The following CACNA2D1 variants were observed in gnomAD, a reference collection of about 807,000 sequenced individuals.
The protein encoded by CACNA2D1 is calcium voltage-gated channel auxiliary subunit alpha2delta 1.
Under a neutral mutation model 171.5 loss-of-function variants are expected in CACNA2D1, and 53 were observed. That is an observed-to-expected ratio of 0.31 (90% CI 0.25 to 0.39). The LOEUF is 0.39. Among genes scored for constraint, CACNA2D1 ranks in the 10% least tolerant of loss-of-function variants. The pLI is 1.00. For synonymous variants in CACNA2D1, 442 were observed against 443.1 expected, an observed-to-expected ratio of 1.00 and a Z score of 0.03; for missense variants, 903 against 1,299.8, an observed-to-expected ratio of 0.69 and a Z score of 4.69.
At chr7:82,034,764 A>G (rs758700655) in intron 11 of CACNA2D1, among the ~76,000 whole-genome samples, 6 of 152,100 alleles carry the variant, frequency 3.9e-5, no homozygotes, top group Non-Finnish European at 8.8e-5. Flanking sequence ...TACTGAAAGT[A>G]CTATTATTGG....
chr7:82,037,347 C>T (rs1458891267), intron 11 of CACNA2D1, among the ~76,000 whole-genome samples: 2 of 152,028 alleles, frequency 1.3e-5, no homozygotes, highest in East Asian at 1.9e-4. Context: ...GGCATGGTGG[C>T]GGGTGCCTGT....
At position 82,428,108 on chromosome 7, in the gene CACNA2D1, A is replaced by T. The variant is rs1001261282; in HGVS notation, c.95+15257T>A. Among the ~76,000 whole-genome samples, 64 of 149,760 alleles carry T rather than the reference A, an allele frequency of 4.3e-4. 1 individual carries two copies. The highest frequency in any genetic ancestry group is 1.8e-3 in the East Asian group (9 of 5,126). The stretch of plus-strand genomic sequence containing the variant: ...GTCTTTAAAAAAATAAAAAATAAAT[A>T]AAAAAAAAACAAACAAAAAACAGAA... On this transcript the variant is annotated intron_variant, in intron 1 of 38. Coordinates refer to ENST00000356860, the MANE Select transcript of CACNA2D1 (RefSeq NM_000722.4).
At chr7:82,049,327 A>G (rs1804936633) in intron 10 of CACNA2D1, among the ~76,000 whole-genome samples, 1 of 152,104 alleles carries the variant, frequency 6.6e-6, no homozygotes, top group African/African-American at 2.4e-5. Context: ...TCTTTTAACA[A>G]ATTCTCTTAA....
chr7:82,086,705 C>A lies in CACNA2D1; in HGVS notation c.527-1805G>T, dbSNP rs535657384. Among the ~76,000 whole-genome samples, 3 of 152,216 alleles carry A rather than the reference C, an allele frequency of 2.0e-5. No homozygotes were observed. The East Asian group carries it at 5.8e-4, about 29-fold the overall frequency. ...TATGATCCAGATAGACTTCATTAAT[C>A]CCCAATCTATTCTATCTCTTTAATT... On this transcript the variant is annotated intron_variant, in intron 6 of 38. Transcript: ENST00000356860.
At chr7:82,170,723 C>A in intron 3 of CACNA2D1, 114 bp from the exon 4 acceptor site, 1 of 905,158 alleles carries the variant, frequency 1.1e-6, no homozygotes, top group Non-Finnish European at 1.8e-6. Context: ...AGAAGATGAT[C>A]CTTATTTATG....
chr7:82,249,953 A>G (rs957531708), intron 3 of CACNA2D1, among the ~76,000 whole-genome samples: 2 of 152,228 alleles, frequency 1.3e-5, no homozygotes, highest in Admixed American at 6.5e-5. Flanking sequence ...TGGACTGGGT[A>G]ATTTATAAAG....
intron 16 of CACNA2D1, 66 bp downstream of exon 16, chr7:82,007,613 C>T: frequency 1.2e-6 from 1 of 855,796 alleles, no homozygotes. Flanking sequence ...AATATCTTAT[C>T]CATGTTGAGC....
chr7:82,244,862 A>G (rs1376740557), intron 3 of CACNA2D1, among the ~76,000 whole-genome samples: 1 of 152,136 alleles, frequency 6.6e-6, no homozygotes, highest in Non-Finnish European at 1.5e-5. Context: ...CCATTTAAAA[A>G]TCTGTTTCCA....
At chr7:82,168,402 C>G (rs529236008) in intron 4 of CACNA2D1, among the ~76,000 whole-genome samples, 1 of 152,170 alleles carries the variant, frequency 6.6e-6, no homozygotes, top group East Asian at 1.9e-4. Flanking sequence ...CCTTGGCCTC[C>G]CAAAGTGCTG....
At chr7:82,416,881 A>T (rs982755685) in intron 1 of CACNA2D1, among the ~76,000 whole-genome samples, 1 of 152,188 alleles carries the variant, frequency 6.6e-6, no homozygotes, top group Non-Finnish European at 1.5e-5. Flanking sequence ...ATTGTTCTTG[A>T]TATTAACGGT....
At chr7:82,121,933 A>C (rs1789787892) in intron 5 of CACNA2D1, among the ~76,000 whole-genome samples, 1 of 152,172 alleles carries the variant, frequency 6.6e-6, no homozygotes, top group African/African-American at 2.4e-5. Flanking sequence ...ACATACTAAG[A>C]AAAGAAAGTT....
At chr7:82,421,402 T>C (rs2129457239) in intron 1 of CACNA2D1, among the ~76,000 whole-genome samples, 1 of 152,322 alleles carries the variant, frequency 6.6e-6, no homozygotes, top group South Asian at 2.1e-4. Flanking sequence ...AGCAGAGATT[T>C]ATCTGTGCTA....
intron 4 of CACNA2D1, among the ~76,000 whole-genome samples, chr7:82,151,126 T>C (rs1445955360): frequency 1.3e-5 from 2 of 152,142 alleles, no homozygotes; most frequent in Non-Finnish European, 2.9e-5. Context: ...ACTCTCAACA[T>C]AGCCCTAGTT....
At chr7:82,270,270 C>T (rs1808445553) in intron 3 of CACNA2D1, among the ~76,000 whole-genome samples, 1 of 152,140 alleles carries the variant, frequency 6.6e-6, no homozygotes, top group South Asian at 2.1e-4. Context: ...TAGCTATTGT[C>T]ATGACTTCTA....
At chr7:82,342,876 T>C (rs996542423) in intron 2 of CACNA2D1, among the ~76,000 whole-genome samples, 1 of 152,116 alleles carries the variant, frequency 6.6e-6, no homozygotes, top group African/African-American at 2.4e-5. Flanking sequence ...TATAAAAGGA[T>C]GGTTTATATC....
intron 3 of CACNA2D1, among the ~76,000 whole-genome samples, chr7:82,187,021 T>C (rs1462621670): frequency 6.6e-6 from 1 of 152,188 alleles, no homozygotes; most frequent in Non-Finnish European, 1.5e-5. Flanking sequence ...CTTTTTTCCT[T>C]CCATAATGCT....
At chr7:82,072,691 C>A (rs1808466693) in intron 7 of CACNA2D1, among the ~76,000 whole-genome samples, 1 of 151,818 alleles carries the variant, frequency 6.6e-6, no homozygotes, top group African/African-American at 2.4e-5. Flanking sequence ...ATTGTCTTCC[C>A]TGGTTGGACC....
At chr7:82,362,503 A>C (rs910523489) in intron 1 of CACNA2D1, among the ~76,000 whole-genome samples, 1 of 152,174 alleles carries the variant, frequency 6.6e-6, no homozygotes, top group African/African-American at 2.4e-5. Flanking sequence ...AAAGGACTTG[A>C]GCACATGCAA....
At chr7:82,406,721 C>T (rs539054059) in intron 1 of CACNA2D1, among the ~76,000 whole-genome samples, 8 of 152,246 alleles carry the variant, frequency 5.3e-5, no homozygotes, top group Non-Finnish European at 8.8e-5. Flanking sequence ...ATATCCTTCA[C>T]CCACTTTTTG....
Sources: allele counts gnomAD v4.1 joint callset (sites outside exome capture counted in the v4.1 genomes callset), GRCh38; gene constraint gnomAD v4.1.1; transcripts MANE v1.5; gene names NCBI Gene and HGNC (gene_info 2026-07-23, HGNC 2026-07-21).